KRTAP24-1: variants seen among roughly 807,000 people sequenced by gnomAD.
KRTAP24-1 encodes the protein keratin-associated protein 24-1.
For missense variants in KRTAP24-1, 344 were observed against 303.2 expected (o/e 1.13, Z -1.00); for synonymous variants, 133 against 116.3 (o/e 1.14, Z -0.92).
chr21:30,282,301 G>C, the KRTAP24-1 span: 2 of 1,614,070 alleles, frequency 1.2e-6, no homozygotes, highest in South Asian at 2.2e-5. Flanking sequence ...CCTGTAGCTT[G>C]AATAGTGATA....
rs1307494865 is a variant in KRTAP24-1 at position 30,282,222 on chromosome 21, G to A, written c.711C>T (p.Thr237=). The change falls in exon 1 of 1, where the codon ACC becomes ACT. Residue 237 remains threonine (T), a synonymous_variant. Transcript: ENST00000340345. ...SFRSLSYIPS[T]FPPLRYLCSG... ...TGCACAAATACCTCAGAGGTGGAAAGGTACTGGGTATATAGCTCAGAGATC... is the reference window on the plus strand; with the variant it reads ...TGCACAAATACCTCAGAGGTGGAAAAGTACTGGGTATATAGCTCAGAGATC... 4.3e-6 allele frequency: 7 copies of A among 1,614,032 alleles called. No homozygotes were observed. Among genetic ancestry groups the A allele is most frequent in the Admixed American group, 1.7e-5 (1 of 60,014 alleles).
In KRTAP24-1 at chr21:30,282,253, C is replaced by G; in HGVS notation, c.680G>C (p.Ser227Thr). The change falls in exon 1 of 1, where the codon AGC becomes ACC. Residue 227 changes from serine to threonine, a missense_variant. By Grantham distance (58) the Ser-to-Thr change is moderately conservative. Transcript: ENST00000340345. ...GGGTATATAGCTCAGAGATCTGAAG[C>G]TTCTAGATAAATAGCTCAGTGGTCG... ...SCRPLSYLSR[S>T]FRSLSYIPST... 6.2e-7 allele frequency: 1 copy of G among 1,614,042 alleles called. No individual in the cohort carries two copies. Among genetic ancestry groups the G allele is most frequent in the Non-Finnish European group, 8.5e-7 (1 of 1,179,996 alleles).
chr21:30,282,672 G>T lies in KRTAP24-1; in HGVS notation c.261C>A (p.Asp87Glu). The change falls in exon 1 of 1, where the codon GAC (aspartate) becomes GAA (glutamate). Residue 87 changes from aspartate (D) to glutamate (E), a missense_variant. Physicochemically the swap from Asp to Glu is conservative, Grantham distance 45. Transcript: ENST00000340345. ...EPKTCSTTGC[D>E]PSNSSVPCNS... is the part of the protein sequence containing the mutation. ...TGCAGGGCACAGAGGAGTTTGACGGGTCACAACCAGTGGTACTGCAGGTCT... is the reference window on the plus strand; with the variant it reads ...TGCAGGGCACAGAGGAGTTTGACGGTTCACAACCAGTGGTACTGCAGGTCT... 6.2e-7 allele frequency: 1 copy of T among 1,607,550 alleles called. No homozygotes were observed. The highest frequency in any genetic ancestry group is 1.1e-5 in the South Asian group (1 of 89,586).
In KRTAP24-1 at chr21:30,282,671, G is replaced by T. The variant is rs751361303; in HGVS notation, c.262C>A (p.Pro88Thr). ...TTGCAGGGCACAGAGGAGTTTGACG[G>T]GTCACAACCAGTGGTACTGCAGGTC... Reference protein sequence around the residue: ...PKTCSTTGCDPSNSSVPCNSP... With the variant: ...PKTCSTTGCDTSNSSVPCNSP... The change falls in exon 1 of 1, where the codon CCG (proline) becomes ACG (threonine). Residue 88 changes from proline to threonine, a missense_variant. Coordinates refer to ENST00000340345, the MANE Select transcript of KRTAP24-1 (RefSeq NM_001085455.3). The T allele has an allele frequency of 6.2e-7, 1 of 1,607,132 alleles. No homozygotes were observed. The highest frequency in any genetic ancestry group is 8.5e-7 in the Non-Finnish European group (1 of 1,176,648).
Position 30,282,442 on chromosome 21 carries a change from G to T in KRTAP24-1, c.491C>A (p.Thr164Asn). The change falls in exon 1 of 1, where the codon ACT becomes AAT. Residue 164 changes from threonine to asparagine, a missense_variant. Physicochemically the swap from Thr to Asn is moderately conservative, Grantham distance 65 (BLOSUM62 0). Transcript: ENST00000340345. ...AGTACTCAATCTGCAGTGGTTTAGA[G>T]TTTGGAAACTCTTGGATAAGCAGTT... ...QLNCLSKSFQTLNHCRLSTLG... is the reference protein window; with the variant it reads ...QLNCLSKSFQNLNHCRLSTLG... 6.2e-7 allele frequency: 1 copy of T among 1,614,156 alleles called. No homozygotes were observed. Among genetic ancestry groups the T allele is most frequent in the South Asian group, 1.1e-5 (1 of 91,082 alleles).
the KRTAP24-1 span, chr21:30,282,858 A>T: frequency 1.9e-6 from 3 of 1,613,832 alleles, no homozygotes; most frequent in East Asian, 2.2e-5. Context: ...TCACTGGGAT[A>T]TAACAGTGAG....
At position 30,282,875 on chromosome 21, in the gene KRTAP24-1, A is replaced by G; in HGVS notation, c.58T>C (p.Tyr20His). Residue 20 changes from tyrosine to histidine, a missense_variant, in exon 1 of 1, where the codon TAC becomes CAC. Physicochemically the swap from Tyr to His is moderately conservative, Grantham distance 83. Transcript: ENST00000340345. ...ACTGGGATATAACAGTGAGTTCTGT[A>G]TGATGTGGTACTGCAGACCCCAGGA... ...GYPGVCSTTSYRTHCYIPVTS... is the reference protein window; with the variant it reads ...GYPGVCSTTSHRTHCYIPVTS... The G allele has an allele frequency of 1.9e-6, 3 of 1,613,888 alleles. No individual in the cohort carries two copies. Among genetic ancestry groups the G allele is most frequent in the Non-Finnish European group, 2.5e-6 (3 of 1,179,838 alleles).
At position 30,282,858 on chromosome 21, in the gene KRTAP24-1, A is replaced by G. The variant is rs369673545; in HGVS notation, c.75T>C (p.Tyr25=). 1.9e-4 allele frequency: 305 copies of G among 1,613,832 alleles called. No individual in the cohort carries two copies. The Middle Eastern group carries it at 2.8e-3, about 15-fold the overall frequency. Reference sequence around the variant, plus strand: ...GAGTAACAGAAGAGGTCACTGGGATATAACAGTGAGTTCTGTATGATGTGG... The same window carrying G: ...GAGTAACAGAAGAGGTCACTGGGATGTAACAGTGAGTTCTGTATGATGTGG... ...CSTTSYRTHC[Y]IPVTSSVTLS... Residue 25 remains tyrosine (Y), a synonymous_variant, in exon 1 of 1, where the codon TAT becomes TAC. Coordinates refer to ENST00000340345, the MANE Select transcript of KRTAP24-1 (RefSeq NM_001085455.3).
In KRTAP24-1 at chr21:30,281,544, A is replaced by G. The variant is rs1980700997; in HGVS notation, c.*624T>C. 6.6e-6 allele frequency: 1 copy of G among 152,236 alleles called. No homozygotes were observed. The allele number at this position is 152,236 out of a possible 1,614,324, so 9.4% of individuals were successfully genotyped here. On this transcript the variant is annotated 3_prime_UTR_variant, in exon 1 of 1. Transcript: ENST00000340345. ...GCTGAGTACCAGTGAATCTTGTTTT[A>G]TGGCTTCTCTGGAAGAGAAGATTTG...
chr21:30,282,322 A>G lies in KRTAP24-1; in HGVS notation c.611T>C (p.Leu204Ser), dbSNP rs1328538168. 6.2e-7 allele frequency: 1 copy of G among 1,614,114 alleles called. No homozygotes were observed. Among genetic ancestry groups the G allele is most frequent in the South Asian group, 1.1e-5 (1 of 91,078 alleles). ...GCTTGAATAGTGATAATTTCTCACT[A>G]AATAGCTTTGGGGTTGGCAGCTGTT... ...ISNSCQPQSY[L>S]VRNYHYSSYR... is the part of the protein sequence containing the mutation. Residue 204 changes from leucine to serine, a missense_variant, in exon 1 of 1, where the codon TTA becomes TCA. Leu to Ser is a moderately radical substitution (Grantham distance 145). Coordinates refer to ENST00000340345, the MANE Select transcript of KRTAP24-1 (RefSeq NM_001085455.3).
Position 30,282,286 on chromosome 21 carries a change from G to A in KRTAP24-1, c.647C>T (p.Thr216Met), listed in dbSNP as rs749296180. The change falls in exon 1 of 1, where the codon ACG (threonine) becomes ATG (methionine). Residue 216 changes from threonine to methionine, a missense_variant. Physicochemically the swap from Thr to Met is moderately conservative, Grantham distance 81. Transcript: ENST00000340345. ...RNYHYSSYRPTSCRPLSYLSR... is the reference protein window; with the variant it reads ...RNYHYSSYRPMSCRPLSYLSR... ...TAAATAGCTCAGTGGTCGGCAGCTC[G>A]TAGGCCTGTAGCTTGAATAGTGATA... is the stretch of plus-strand genomic sequence containing the variant. 192 of 1,614,088 alleles carry A rather than the reference G, an allele frequency of 1.2e-4. 4 individuals are homozygous for A. The South Asian group carries it at 1.9e-3, about 16-fold the overall frequency.
the KRTAP24-1 span, chr21:30,282,780 G>C: frequency 9.3e-6 from 15 of 1,613,990 alleles, no homozygotes; most frequent in Admixed American, 2.5e-4. Context: ...GATTTCCTTG[G>C]TAGCTACTGG....
Position 30,282,808 on chromosome 21 carries a change from G to T in KRTAP24-1, c.125C>A (p.Thr42Asn). The T allele has an allele frequency of 6.2e-7, 1 of 1,614,110 alleles. No homozygotes were observed. Among genetic ancestry groups the T allele is most frequent in the Non-Finnish European group, 8.5e-7 (1 of 1,179,978 alleles). ...GCTACTGGGTAAGCAGTGTCCAAAG[G>T]TAGGGCTTAAATCACTGGAGCTAAG... Reference protein sequence around the residue: ...VTLSSSDLSPTFGHCLPSSYQ... With the variant: ...VTLSSSDLSPNFGHCLPSSYQ... Residue 42 changes from threonine to asparagine, a missense_variant, in exon 1 of 1, where the codon ACC becomes AAC. By Grantham distance (65) the Thr-to-Asn change is moderately conservative. Coordinates refer to ENST00000340345, the MANE Select transcript of KRTAP24-1 (RefSeq NM_001085455.3).
In KRTAP24-1 at chr21:30,282,665, T is replaced by C. The variant is rs770031321; in HGVS notation, c.268A>G (p.Asn90Asp). The change falls in exon 1 of 1, where the codon AAC (asparagine) becomes GAC (aspartate). Residue 90 changes from asparagine to aspartate, a missense_variant. Transcript: ENST00000340345. Reference sequence around the variant, plus strand: ...GGGGAGTTGCAGGGCACAGAGGAGTTTGACGGGTCACAACCAGTGGTACTG... The same window carrying C: ...GGGGAGTTGCAGGGCACAGAGGAGTCTGACGGGTCACAACCAGTGGTACTG... The part of the protein sequence containing the change: ...TCSTTGCDPS[N>D]SSVPCNSPSA... 2.5e-6 allele frequency: 4 copies of C among 1,604,304 alleles called. No individual in the cohort carries two copies. The highest frequency in any genetic ancestry group is 2.7e-5 in the African/African-American group (2 of 74,780).
chr21:30,282,535 A>G lies in KRTAP24-1; in HGVS notation c.398T>C (p.Ile133Thr), dbSNP rs1980742115. Reference protein sequence around the residue: ...QTNGYVCNCHIPTRNASKACQ... With the variant: ...QTNGYVCNCHTPTRNASKACQ... ...GGCTTTGGATGCATTTCGAGTGGGT[A>G]TGTGGCAATTGCATACATACCCATT... is the stretch of plus-strand genomic sequence containing the variant. Residue 133 changes from isoleucine (I) to threonine (T), a missense_variant, in exon 1 of 1, where the codon ATA becomes ACA. Transcript: ENST00000340345. The G allele has an allele frequency of 1.2e-6, 2 of 1,611,552 alleles. No individual in the cohort carries two copies. Among genetic ancestry groups the G allele is most frequent in the Non-Finnish European group, 8.5e-7 (1 of 1,178,584 alleles).
In KRTAP24-1 at chr21:30,282,492, G is replaced by A. The variant is rs146940107; in HGVS notation, c.441C>T (p.Asn147=). The A allele has an allele frequency of 2.0e-5, 32 of 1,613,942 alleles. No individual in the cohort carries two copies. Among genetic ancestry groups the A allele is most frequent in the South Asian group, 7.7e-5 (7 of 91,078 alleles). ...NASKACQTLR[N]GSNCFGQLNC... is the part of the protein sequence containing the mutation. ...TAAGTTGTCCAAAGCAGTTGGAACC[G>A]TTGCGGAGGGTTTGGCAGGCTTTGG... The change falls in exon 1 of 1, where the codon AAC becomes AAT. Residue 147 remains asparagine (N), a synonymous_variant. Coordinates refer to ENST00000340345, the MANE Select transcript of KRTAP24-1 (RefSeq NM_001085455.3).
In KRTAP24-1 at chr21:30,282,469, A is replaced by C; in HGVS notation, c.464T>G (p.Leu155Arg). The change falls in exon 1 of 1, where the codon CTT (leucine) becomes CGT (arginine). Residue 155 changes from leucine to arginine, a missense_variant. Coordinates refer to ENST00000340345, the MANE Select transcript of KRTAP24-1 (RefSeq NM_001085455.3). ...TTGGAAACTCTTGGATAAGCAGTTA[A>C]GTTGTCCAAAGCAGTTGGAACCGTT... is the stretch of plus-strand genomic sequence containing the variant. ...LRNGSNCFGQ[L>R]NCLSKSFQTL... is the part of the protein sequence containing the mutation. 1 of 1,614,132 alleles carries C rather than the reference A, an allele frequency of 6.2e-7. No individual in the cohort carries two copies. The highest frequency in any genetic ancestry group is 8.5e-7 in the Non-Finnish European group (1 of 1,179,996).
Position 30,281,647 on chromosome 21 carries a change from A to T in KRTAP24-1, c.*521T>A, listed in dbSNP as rs1233769019. ...ACAATCAATCAGTAAGAAAAGGATGAAATAGTTCAACTTATTATGCTCAAG... is the reference window on the plus strand; with the variant it reads ...ACAATCAATCAGTAAGAAAAGGATGTAATAGTTCAACTTATTATGCTCAAG... On this transcript the variant is annotated 3_prime_UTR_variant, in exon 1 of 1. Transcript: ENST00000340345. 2.6e-5 allele frequency: 4 copies of T among 153,282 alleles called. No homozygotes were observed. Among genetic ancestry groups the T allele is most frequent in the Non-Finnish European group, 5.8e-5 (4 of 68,882 alleles). The allele number at this position is 153,282 out of a possible 1,614,324, so 9.5% of individuals were successfully genotyped here. A position where few individuals can be genotyped will look rare whatever the true frequency, so the allele number is the denominator to read the frequency against.
Position 30,282,557 on chromosome 21 carries a change from C to T in KRTAP24-1, c.376G>A (p.Gly126Arg), listed in dbSNP as rs781062557. The change falls in exon 1 of 1, where the codon GGG (glycine) becomes AGG (arginine). Residue 126 changes from glycine (G) to arginine (R), a missense_variant. By Grantham distance (125) the Gly-to-Arg change is moderately radical. Coordinates refer to ENST00000340345, the MANE Select transcript of KRTAP24-1 (RefSeq NM_001085455.3). ...GGTATGTGGCAATTGCATACATACC[C>T]ATTGGTCTGGGTGCTTGGGCTGCAG... ...PSCSPSTQTNGYVCNCHIPTR... is the reference protein window; with the variant it reads ...PSCSPSTQTNRYVCNCHIPTR... The T allele has an allele frequency of 1.2e-6, 2 of 1,603,244 alleles. No individual in the cohort carries two copies. The highest frequency in any genetic ancestry group is 1.3e-5 in the African/African-American group (1 of 74,660).
Sources: gnomAD v4.1 joint callset for allele counts on GRCh38, gnomAD v4.1.1 for gene constraint, MANE v1.5 for transcripts, NCBI Gene and HGNC (gene_info 2026-07-23, HGNC 2026-07-21) for gene names.